Variants in PPP2R3B observed in about 807,000 individuals in gnomAD.
PPP2R3B encodes the protein serine/threonine-protein phosphatase 2A regulatory subunit B'' subunit beta.
Under a neutral mutation model 72.9 loss-of-function variants are expected in PPP2R3B, and 68 were observed. The observed-to-expected ratio is 0.93, with a 90% CI of 0.77 to 1.14. The LOEUF (loss-of-function observed/expected upper bound fraction) is 1.14, where lower values mean the gene tolerates loss of function less well. PPP2R3B is among the 50% of genes most tolerant of loss of function. The pLI is 0.00. For missense variants in PPP2R3B, 1,018 were observed against 842.0 expected, an observed-to-expected ratio of 1.21 and a Z score of -2.59; for synonymous variants, 466 against 375.8, an observed-to-expected ratio of 1.24 and a Z score of -2.78.
chrX:362,440 G>GCGT, intron 1 of PPP2R3B: 1 of 152,910 alleles, frequency 6.5e-6, no homozygotes, highest in East Asian at 1.9e-4. Context: ...GGACGGGGCT[G>GCGT]CGTCCTCCTC....
At chrX:375,762 G>A (rs191279424) in intron 1 of PPP2R3B, among the ~76,000 whole-genome samples, 2 of 152,368 alleles carry the variant, frequency 1.3e-5, no homozygotes, top group East Asian at 1.9e-4. Context: ...CGGGGGAAGC[G>A]AGCCAACGGG....
chrX:364,672 C>T (rs1337242440), intron 1 of PPP2R3B, among the ~76,000 whole-genome samples: 12 of 109,124 alleles, frequency 1.1e-4, no homozygotes, highest in South Asian at 3.1e-4. Context: ...GAGCTGAGAT[C>T]GCACCACTGC....
rs747660813 is a variant in PPP2R3B, at chrX:371,577, G to A, written c.325-9987C>T. Among the ~76,000 whole-genome samples, 11 of 152,172 alleles carry A rather than the reference G, an allele frequency of 7.2e-5. No homozygotes were observed. The South Asian group carries it at 8.3e-4, about 11-fold the overall frequency. The stretch of plus-strand genomic sequence containing the variant: ...GCACCCGCCAGGGGCTCGTGGGTGC[G>A]GCCAACGTTGGCCGTGGAAGGCTGT... On this transcript the variant is annotated intron_variant, in intron 1 of 12. Coordinates refer to ENST00000390665, the MANE Select transcript of PPP2R3B (RefSeq NM_013239.5).
chrX:340,182 GGGT>G (rs2071018555), intron 10 of PPP2R3B, among the ~76,000 whole-genome samples: 4 of 43,492 alleles, frequency 9.2e-5, no homozygotes, highest in Admixed American at 1.9e-4. Context: ...GGGGGGGGCG[GGGT>G]GAGAGGGGAG....
At chrX:361,370 C>T in intron 2 of PPP2R3B, 35 bp downstream of exon 2, 1 of 1,611,376 alleles carries the variant, frequency 6.2e-7, no homozygotes, top group Non-Finnish European at 8.5e-7. Context: ...CGCAGTACCA[C>T]CTCGGCTGCT....
chrX:341,718 C>G (rs745908880), intron 8 of PPP2R3B, 165 bp downstream of exon 8: 2 of 797,594 alleles, frequency 2.5e-6, no homozygotes, highest in South Asian at 3.1e-5. Flanking sequence ...CACCCCCCCC[C>G]ACTAGGGATT....
At chrX:349,930 C>T (rs754917614) in intron 2 of PPP2R3B, among the ~76,000 whole-genome samples, 4 of 152,258 alleles carry the variant, frequency 2.6e-5, no homozygotes, top group African/African-American at 4.8e-5. Context: ...CCAGAGTCCA[C>T]GCGATCCCCA....
rs764393654 is a variant in PPP2R3B at position 334,543 on chromosome X, TG to T, written c.1578-27del. ...CTGCAACGAGGGGATGGCGAAGACG[TG>T]GCCAGCAGCGCGGAGCAGGCCCTGG... On this transcript the variant is annotated intron_variant, in intron 12 of 12. Transcript: ENST00000390665. The T allele has an allele frequency of 3.7e-5, 56 of 1,511,580 alleles. No individual in the cohort carries two copies. In the African/African-American group the frequency reaches 7.6e-4, roughly 20 times the overall value. The allele number at this position is 1,511,580 out of a possible 1,614,324, so 93.6% of individuals were successfully genotyped here.
At chrX:356,940 G>A (rs1268511013) in intron 2 of PPP2R3B, among the ~76,000 whole-genome samples, 8 of 143,518 alleles carry the variant, frequency 5.6e-5, no homozygotes, top group African/African-American at 2.1e-4. Context: ...CACACAGCGA[G>A]CCCCACAGTA....
chrX:353,859 G>A (rs2071380636), intron 2 of PPP2R3B, among the ~76,000 whole-genome samples: 3 of 133,396 alleles, frequency 2.2e-5, no homozygotes, highest in Admixed American at 2.2e-4. Context: ...AGGGACCGGG[G>A]GCTCACCCAA....
intron 1 of PPP2R3B, among the ~76,000 whole-genome samples, chrX:379,568 A>G (rs2072081200): frequency 1.3e-5 from 2 of 152,234 alleles, no homozygotes; most frequent in African/African-American, 4.8e-5. Context: ...GGTCTGATAA[A>G]AATCACAGGT....
rs113634597 is a variant in PPP2R3B, at chrX:339,272, C to CGGGG, written c.1352-380_1352-377dup. Among the ~76,000 whole-genome samples the CGGGG allele has an allele frequency of 4.3e-3, 572 of 134,006 alleles. 5 individuals are homozygous for CGGGG. The highest frequency in any genetic ancestry group is 0.04 in the East Asian group (167 of 4,156). 87.9% of individuals were successfully genotyped at this position (134,006 alleles called of 152,430 possible). A position where few individuals can be genotyped will look rare whatever the true frequency, so the allele number is the denominator to read the frequency against. ...TGAGCAGCAGGAGGCGCCCCATGGCCGGGGGGGGCAGGGCTGCAGGGCGGT... is the reference window on the plus strand; with the variant it reads ...TGAGCAGCAGGAGGCGCCCCATGGCCGGGGGGGGGGGGCAGGGCTGCAGGGCGGT... On this transcript the variant is annotated intron_variant, in intron 10 of 12. Transcript: ENST00000390665.
At chrX:367,965 G>A (rs1390366873) in intron 1 of PPP2R3B, among the ~76,000 whole-genome samples, 1 of 152,250 alleles carries the variant, frequency 6.6e-6, no homozygotes, top group Non-Finnish European at 1.5e-5. Flanking sequence ...GGCCACCAAG[G>A]AACGCTGAAG....
At chrX:343,070 G>C (rs748843582) in intron 7 of PPP2R3B, among the ~76,000 whole-genome samples, 12 of 10,188 alleles carry the variant, frequency 1.2e-3, no homozygotes, top group South Asian at 5.0e-3. Context: ...ACCTCGCCAA[G>C]GAGAGGCGGG....
intron 8 of PPP2R3B, 117 bp downstream of exon 8, chrX:341,765 TG>T: frequency 8.9e-7 from 1 of 1,123,014 alleles, no homozygotes; most frequent in Non-Finnish European, 1.4e-6. Context: ...CGCCAGGGCC[TG>T]GGGTGACAAC....
rs769801061 is a variant in PPP2R3B, at chrX:338,950, C to G, written c.1352-54G>C. On this transcript the variant is annotated intron_variant, in intron 10 of 12. Transcript: ENST00000390665. ...CGTGAGCCCGGTCTCACCTTCGGGGCCTGGGTGTGGGGTGCGCGCGTCCTG... is the reference window on the plus strand; with the variant it reads ...CGTGAGCCCGGTCTCACCTTCGGGGGCTGGGTGTGGGGTGCGCGCGTCCTG... 9.5e-5 allele frequency: 142 copies of G among 1,488,128 alleles called. No individual in the cohort carries two copies. In the African/African-American group the frequency reaches 1.8e-3, roughly 19 times the overall value. 92.2% of individuals were successfully genotyped at this position (1,488,128 alleles called of 1,614,324 possible).
At chrX:367,148 G>C in intron 1 of PPP2R3B, among the ~76,000 whole-genome samples, 1 of 152,264 alleles carries the variant, frequency 6.6e-6, no homozygotes, top group Non-Finnish European at 1.5e-5. Context: ...GAGAAGCCAA[G>C]AGCTCCCAAA....
Position 345,531 on chromosome X carries a change from G to A in PPP2R3B, c.1021C>T (p.Arg341Trp), listed in dbSNP as rs766260273. The change falls in exon 7 of 13, where the codon CGG (arginine) becomes TGG (tryptophan). Residue 341 changes from arginine (R) to tryptophan (W), a missense_variant. Coordinates refer to ENST00000390665, the MANE Select transcript of PPP2R3B (RefSeq NM_013239.5). ...CCCCACGCACCGTGGTCATTGTGCCGCGCCAGGTCGTCCGCGTCGATGAGC... is the reference window on the plus strand; with the variant it reads ...CCCCACGCACCGTGGTCATTGTGCCACGCCAGGTCGTCCGCGTCGATGAGC... ...DLLIDADDLARHNDHALSTKM... is the reference protein window; with the variant it reads ...DLLIDADDLAWHNDHALSTKM... The A allele has an allele frequency of 1.9e-6, 3 of 1,612,844 alleles. No individual in the cohort carries two copies. The highest frequency in any genetic ancestry group is 2.7e-5 in the African/African-American group (2 of 74,870).
chrX:353,911 T>TCTCACCCAAAGACC (rs1569395206), intron 2 of PPP2R3B, among the ~76,000 whole-genome samples: 1 of 118,686 alleles, frequency 8.4e-6, no homozygotes, highest in African/African-American at 3.3e-5. Flanking sequence ...ACCCAAAGAC[T>TCTCACCCAAAGACC]GGGGCTCGCC....
Sources: gnomAD v4.1 joint callset for allele counts (sites outside exome capture counted in the v4.1 genomes callset) on GRCh38, gnomAD v4.1.1 for gene constraint, MANE v1.5 for transcripts, NCBI Gene and HGNC (gene_info 2026-07-23, HGNC 2026-07-21) for gene names.